Variants in NTRK3 observed in about 807,000 individuals in gnomAD.
NTRK3 encodes the protein NT-3 growth factor receptor.
NTRK3 carries 24 observed loss-of-function variants against 91.7 expected under a neutral mutation model. The ratio of observed to expected loss-of-function variants is 0.26; its 90% CI spans 0.19 to 0.37. The LOEUF (loss-of-function observed/expected upper bound fraction) is 0.37. NTRK3 is among the 10% of genes least tolerant of loss of function. NTRK3 has a pLI of 1.00. For missense variants in NTRK3, 880 were observed against 1,068.9 expected (o/e 0.82, Z 2.46); for synonymous variants, 483 against 404.0 (o/e 1.20, Z -2.34).
intron 13 of NTRK3, among the ~76,000 whole-genome samples, chr15:88,041,858 G>A (rs529068726): frequency 1.4e-5 from 2 of 141,712 alleles, no homozygotes; most frequent in East Asian, 2.1e-4. Flanking sequence ...AGGGCTTGTC[G>A]TCCTCAATGA....
intron 17 of NTRK3, among the ~76,000 whole-genome samples, chr15:87,914,467 A>T (rs1454977624): frequency 2.0e-5 from 3 of 152,236 alleles, no homozygotes; most frequent in Non-Finnish European, 4.4e-5. Context: ...ACCAATGAGG[A>T]TTCATGTAAG....
At chr15:87,920,819 G>A (rs926710300) in intron 17 of NTRK3, among the ~76,000 whole-genome samples, 10 of 152,108 alleles carry the variant, frequency 6.6e-5, no homozygotes, top group Non-Finnish European at 1.3e-4. Context: ...TGTGGGCAAT[G>A]GGGGATCCAT....
chr15:88,052,686 CA>C (rs1400993997), intron 13 of NTRK3, among the ~76,000 whole-genome samples: 2 of 152,032 alleles, frequency 1.3e-5, no homozygotes, highest in African/African-American at 4.8e-5. Context: ...GCTAATAAAT[CA>C]ATGAGAAATG....
At chr15:88,100,916 G>GA (rs1187546685) in intron 13 of NTRK3, among the ~76,000 whole-genome samples, 1 of 152,024 alleles carries the variant, frequency 6.6e-6, no homozygotes, top group Admixed American at 6.6e-5. Flanking sequence ...TAAAACCCTA[G>GA]AAAAAAACCT....
intron 18 of NTRK3, 93 bp from the exon 20 acceptor site, chr15:87,877,213 A>G: frequency 7.5e-7 from 1 of 1,327,166 alleles, no homozygotes; most frequent in Non-Finnish European, 1.1e-6. Flanking sequence ...TTCCCGGATT[A>G]GTTTCTATGC....
exon 19 of NTRK3, chr15:87,866,925 T>C (rs921795495): frequency 3.1e-4 from 66 of 214,066 alleles, no homozygotes; most frequent in African/African-American, 1.5e-3. Context: ...TATAGAAATA[T>C]AGCATATCCA....
chr15:88,230,089 A>G (rs1215336081), intron 3 of NTRK3, among the ~76,000 whole-genome samples: 1 of 152,240 alleles, frequency 6.6e-6, no homozygotes, highest in African/African-American at 2.4e-5. Context: ...GACCTTGGCC[A>G]TGTGACCTCA....
At chr15:87,898,473 T>C (rs1010398135) in intron 17 of NTRK3, among the ~76,000 whole-genome samples, 15 of 152,170 alleles carry the variant, frequency 9.9e-5, no homozygotes, top group Admixed American at 2.0e-4. Flanking sequence ...AAGTGAATTT[T>C]GAAGACAAGG....
At chr15:88,153,500 C>T (rs2043592878) in intron 5 of NTRK3, among the ~76,000 whole-genome samples, 1 of 152,154 alleles carries the variant, frequency 6.6e-6, no homozygotes, top group African/African-American at 2.4e-5. Flanking sequence ...GGTGATCCAC[C>T]TGCCTCGGCC....
intron 13 of NTRK3, among the ~76,000 whole-genome samples, chr15:88,061,553 C>G (rs530026046): frequency 5.3e-5 from 8 of 152,352 alleles, no homozygotes; most frequent in Admixed American, 2.0e-4. Flanking sequence ...GAGTGGCAGC[C>G]GGAACCCATG....
At position 88,180,736 on chromosome 15, in the gene NTRK3, T is replaced by C. The variant is rs887856847; in HGVS notation, c.395+2682A>G. 2.8e-5 allele frequency among the ~76,000 whole-genome samples: 4 copies of C among 145,196 alleles called. No individual in the cohort carries two copies. The Admixed American group carries it at 2.8e-4, about 10-fold the overall frequency. On this transcript the variant is annotated intron_variant, in intron 5 of 18. Transcript: ENST00000394480. ...CAGGGCTCGGCAATTAGTGTTGGAG[T>C]AAGTGATCATCTTGTGATTGCTCAG... is the stretch of plus-strand genomic sequence containing the variant.
intron 14 of NTRK3, among the ~76,000 whole-genome samples, chr15:87,956,962 G>A (rs1054096955): frequency 3.3e-5 from 5 of 152,112 alleles, no homozygotes; most frequent in Admixed American, 6.5e-5. Flanking sequence ...TCTCAGGGCC[G>A]TGACTAAGAC....
intron 13 of NTRK3, among the ~76,000 whole-genome samples, chr15:88,104,321 G>C (rs540732467): frequency 4.6e-5 from 7 of 152,294 alleles, no homozygotes; most frequent in Admixed American, 3.9e-4. Flanking sequence ...ACATTTATCA[G>C]CTTCCTTTTG....
chr15:87,885,816 T>G, intron 17 of NTRK3, 81 bp from the exon 18 acceptor site: 4 of 528,384 alleles, frequency 7.6e-6, no homozygotes, highest in Non-Finnish European at 1.2e-5. Flanking sequence ...AGGAAGGCCT[T>G]CCTAAATAAG....
intron 14 of NTRK3, among the ~76,000 whole-genome samples, chr15:87,948,378 G>A: frequency 6.6e-6 from 1 of 152,202 alleles, no homozygotes. Flanking sequence ...TTTTTTTAGA[G>A]GTCTAGAATT....
exon 19 of NTRK3, chr15:87,876,760 T>C: frequency 3.5e-6 from 2 of 566,070 alleles, no homozygotes; most frequent in South Asian, 2.0e-5. Context: ...CCTTACAGGG[T>C]TTTTTTTTCT....
At chr15:87,877,248 A>G (rs1323649111) in intron 18 of NTRK3, 128 bp from the exon 20 acceptor site, 1 of 944,736 alleles carries the variant, frequency 1.1e-6, no homozygotes, top group Non-Finnish European at 1.7e-6. Context: ...CACAAGCACA[A>G]GCTAAAGGCT....
intron 14 of NTRK3, among the ~76,000 whole-genome samples, chr15:87,964,697 C>T (rs1056142535): frequency 1.3e-5 from 2 of 152,088 alleles, no homozygotes; most frequent in African/African-American, 4.8e-5. Context: ...TCTGTCTCTC[C>T]GTATTTGCCT....
chr15:87,941,115 T>C (rs908231418), intron 14 of NTRK3, among the ~76,000 whole-genome samples: 2 of 152,150 alleles, frequency 1.3e-5, no homozygotes, highest in Non-Finnish European at 2.9e-5. Context: ...CCCCTGGGAA[T>C]CTTGTCAAAA....
Sources: allele counts gnomAD v4.1 joint callset (sites outside exome capture counted in the v4.1 genomes callset), GRCh38; gene constraint gnomAD v4.1.1; transcripts MANE v1.5; gene names NCBI Gene and HGNC (gene_info 2026-07-23, HGNC 2026-07-21).